TMTC2: variants seen among roughly 807,000 people sequenced by gnomAD.
The protein encoded by TMTC2 is transmembrane O-mannosyltransferase targeting cadherins 2, also known as protein O-mannosyl-transferase TMTC2.
A neutral mutation model predicts 82.4 loss-of-function variants in TMTC2; 43 were observed. The observed-to-expected ratio is 0.52, with a 90% CI of 0.41 to 0.67. The LOEUF (loss-of-function observed/expected upper bound fraction) is 0.67. Ranked by LOEUF, TMTC2 falls within the 30% of genes least tolerant of loss-of-function variation. The pLI, the probability that TMTC2 is intolerant of heterozygous loss-of-function variation, is 0.00. For synonymous variants in TMTC2, 408 were observed against 381.9 expected (o/e 1.07, Z -0.80); for missense variants, 919 against 1,012.4 (o/e 0.91, Z 1.25).
In TMTC2 at chr12:82,946,917, A is replaced by AT. The variant is rs988807397; in HGVS notation, c.1598+16378dup. Among the ~76,000 whole-genome samples the AT allele has an allele frequency of 5.7e-4, 86 of 151,632 alleles. 1 individual carries two copies. The highest frequency in any genetic ancestry group is 2.2e-3 in the Admixed American group (34 of 15,228). ...CCACCACCCCGGGCTAATTTTGTGT[A>AT]TTTTTTAGTAAAGACGGGGTTTCGC... On this transcript the variant is annotated intron_variant, in intron 4 of 11. Transcript: ENST00000321196.
At chr12:82,942,788 A>G (rs1382118228) in intron 4 of TMTC2, among the ~76,000 whole-genome samples, 1 of 152,224 alleles carries the variant, frequency 6.6e-6, no homozygotes, top group Non-Finnish European at 1.5e-5. Flanking sequence ...GAGAAGTCAG[A>G]AAGGATTTTA....
chr12:82,992,843 C>G (rs77844363), intron 8 of TMTC2, among the ~76,000 whole-genome samples: 2,114 of 152,198 alleles, frequency 0.014, 52 homozygotes, highest in African/African-American at 0.047. Context: ...ATCATTAGAG[C>G]TATTTCTTTT....
chr12:82,897,221 A>G (rs1366032033), intron 3 of TMTC2, among the ~76,000 whole-genome samples: 1 of 152,180 alleles, frequency 6.6e-6, no homozygotes, highest in East Asian at 1.9e-4. Context: ...AGCAGTTAGC[A>G]AGTTTTTACT....
intron 1 of TMTC2, among the ~76,000 whole-genome samples, chr12:82,804,410 TTC>T (rs1879148600): frequency 6.6e-6 from 1 of 152,148 alleles, no homozygotes; most frequent in Non-Finnish European, 1.5e-5. Flanking sequence ...GGTGTATTAT[TTC>T]TGTTACCTAG....
intron 8 of TMTC2, among the ~76,000 whole-genome samples, chr12:83,009,226 T>A (rs1286077080): frequency 6.6e-6 from 1 of 152,186 alleles, no homozygotes; most frequent in Admixed American, 6.5e-5. Flanking sequence ...TTCACAGGGA[T>A]GAGTCTTCTA....
At chr12:83,045,308 A>T (rs2137446753) in intron 9 of TMTC2, among the ~76,000 whole-genome samples, 1 of 152,198 alleles carries the variant, frequency 6.6e-6, no homozygotes, top group Non-Finnish European at 1.5e-5. Context: ...GTAATTTGTG[A>T]TAATTAAGAT....
At chr12:82,945,655 A>T (rs1444307471) in intron 4 of TMTC2, among the ~76,000 whole-genome samples, 1 of 152,194 alleles carries the variant, frequency 6.6e-6, no homozygotes, top group African/African-American at 2.4e-5. Context: ...TTATGAAAAA[A>T]GTTTCTTATT....
intron 1 of TMTC2, among the ~76,000 whole-genome samples, chr12:82,808,193 T>G (rs1879330128): frequency 6.6e-6 from 1 of 151,920 alleles, no homozygotes; most frequent in Admixed American, 6.6e-5. Flanking sequence ...TACAATTACC[T>G]CACAGTAAAA....
intron 11 of TMTC2, among the ~76,000 whole-genome samples, chr12:83,092,963 G>A (rs74916919): frequency 0.019 from 2,907 of 152,282 alleles, 88 homozygotes; most frequent in African/African-American, 0.065. Flanking sequence ...TGTTTGAAAC[G>A]TGTGTTCAGT....
intron 8 of TMTC2, among the ~76,000 whole-genome samples, chr12:83,025,098 A>G (rs1881103249): frequency 1.3e-5 from 2 of 152,114 alleles, no homozygotes; most frequent in African/African-American, 4.8e-5. Context: ...AGGCTGAGGC[A>G]TGAGAATGGC....
At chr12:82,925,053 C>T (rs1875620494) in intron 3 of TMTC2, among the ~76,000 whole-genome samples, 1 of 152,108 alleles carries the variant, frequency 6.6e-6, no homozygotes, top group Non-Finnish European at 1.5e-5. Flanking sequence ...AGATCCTTTG[C>T]TGTGTTTTCC....
intron 1 of TMTC2, among the ~76,000 whole-genome samples, chr12:82,744,347 T>C (rs1875570518): frequency 6.6e-6 from 1 of 152,170 alleles, no homozygotes; most frequent in African/African-American, 2.4e-5. Context: ...CGCTTGAACC[T>C]GGGAGGCAGA....
In TMTC2 at chr12:83,050,979, CAG is replaced by C. The variant is rs766865105; in HGVS notation, c.2231_2232del (p.Glu744ValfsTer2). 1 of 1,612,900 alleles carries C rather than the reference CAG, an allele frequency of 6.2e-7. No homozygotes were observed. Among genetic ancestry groups the C allele is most frequent in the Non-Finnish European group, 8.5e-7 (1 of 1,179,264 alleles). Reference sequence around the variant, plus strand: ...AAAAAAGCAGCTGAACTAGACAGCACAGAGTTTGATGTTGTCTTCAATGCTGC... The same window carrying C: ...AAAAAAGCAGCTGAACTAGACAGCACAGTTTGATGTTGTCTTCAATGCTGC... On this transcript the variant is annotated frameshift_variant, in exon 10 of 12. Coordinates refer to ENST00000321196, the MANE Select transcript of TMTC2 (RefSeq NM_152588.3). LOFTEE classifies it high-confidence loss of function.
chr12:83,007,209 A>C (rs1880245418), intron 8 of TMTC2, among the ~76,000 whole-genome samples: 1 of 148,928 alleles, frequency 6.7e-6, no homozygotes, highest in South Asian at 2.1e-4. Context: ...TCTAATCTTT[A>C]TTGTTTCCTT....
intron 2 of TMTC2, among the ~76,000 whole-genome samples, chr12:82,876,040 T>TGGTGGTGGTGGTGGTGGC (rs1565788628): frequency 2.8e-5 from 3 of 107,770 alleles, no homozygotes; most frequent in Non-Finnish European, 5.8e-5. Context: ...GTGGTGGTGG[T>TGGTGGTGGTGGTGGTGGC]GGTGGTGGTG....
intron 7 of TMTC2, among the ~76,000 whole-genome samples, chr12:82,981,773 T>C (rs892241457): frequency 3.3e-5 from 5 of 151,930 alleles, no homozygotes; most frequent in Admixed American, 3.3e-4. Context: ...TTTATTGAAC[T>C]TTCTTTTCCT....
intron 1 of TMTC2, among the ~76,000 whole-genome samples, chr12:82,692,000 A>C (rs1733611785): frequency 6.6e-6 from 1 of 152,222 alleles, no homozygotes; most frequent in Non-Finnish European, 1.5e-5. Context: ...TGTTTAAACA[A>C]ACCTATTTGG....
chr12:82,960,630 G>A (rs1487345126), intron 4 of TMTC2, among the ~76,000 whole-genome samples: 1 of 151,842 alleles, frequency 6.6e-6, no homozygotes, highest in Non-Finnish European at 1.5e-5. Context: ...CTAAAGCAGA[G>A]AGGGAGGGAG....
intron 1 of TMTC2, among the ~76,000 whole-genome samples, chr12:82,769,291 A>G (rs548945809): frequency 1.3e-5 from 2 of 151,782 alleles, no homozygotes; most frequent in South Asian, 2.1e-4. Context: ...TGGCCAACAT[A>G]GTGAAACCCC....
Sources: allele counts gnomAD v4.1 joint callset (sites outside exome capture counted in the v4.1 genomes callset), GRCh38; gene constraint gnomAD v4.1.1; transcripts MANE v1.5; gene names NCBI Gene and HGNC (gene_info 2026-07-23, HGNC 2026-07-21).